The following AGPAT3 variants were observed in gnomAD, a reference collection of about 807,000 sequenced individuals.
AGPAT3 encodes the protein 1-acylglycerol-3-phosphate O-acyltransferase 3.
In AGPAT3, 5 loss-of-function variants were observed where a neutral mutation model predicts 47.3. That is an observed-to-expected ratio of 0.11 (90% confidence interval 0.06 to 0.22). The LOEUF is 0.22. AGPAT3 is among the 10% of genes least tolerant of loss of function. AGPAT3 has a pLI of 1.00. For synonymous variants in AGPAT3, 212 were observed against 208.3 expected (o/e 1.02, Z -0.15); for missense variants, 315 against 493.0 (o/e 0.64, Z 3.42).
chr21:43,877,042 A>G (rs1400636966), intron 1 of AGPAT3, among the ~76,000 whole-genome samples: 1 of 152,072 alleles, frequency 6.6e-6, no homozygotes, highest in Non-Finnish European at 1.5e-5. Flanking sequence ...GTATTTTAGC[A>G]GAGATGGGAT....
intron 6 of AGPAT3, 70 bp from the exon 7 acceptor site, chr21:43,971,318 G>T: frequency 7.1e-7 from 1 of 1,415,098 alleles, no homozygotes. Flanking sequence ...GGTGGAACTT[G>T]CTTTTCCCTC....
chr21:43,951,971 G>A (rs1348762703), intron 2 of AGPAT3, among the ~76,000 whole-genome samples: 2 of 152,162 alleles, frequency 1.3e-5, no homozygotes, highest in East Asian at 1.9e-4. Flanking sequence ...CTGCCTGGCC[G>A]GTTTTGGAGG....
intron 1 of AGPAT3, among the ~76,000 whole-genome samples, chr21:43,898,324 C>T (rs2086275420): frequency 1.3e-5 from 2 of 152,186 alleles, no homozygotes; most frequent in Admixed American, 6.5e-5. Context: ...CTTTTTGAGT[C>T]AACTATTGAT....
intron 1 of AGPAT3, among the ~76,000 whole-genome samples, chr21:43,882,766 G>T (rs1404935605): frequency 6.6e-6 from 1 of 152,222 alleles, no homozygotes; most frequent in Non-Finnish European, 1.5e-5. Flanking sequence ...CCTTGCTTGG[G>T]TCTCCTCCAG....
chr21:43,951,102 C>T (rs1365533990), intron 2 of AGPAT3, among the ~76,000 whole-genome samples: 1 of 152,214 alleles, frequency 6.6e-6, no homozygotes, highest in Non-Finnish European at 1.5e-5. Context: ...GCCCGGGGCT[C>T]ACCGTGGTCC....
In AGPAT3 at chr21:43,880,991, A is replaced by C. The variant is rs137910494; in HGVS notation, c.-112+15646A>C. Among the ~76,000 whole-genome samples, 2 of 152,306 alleles carry C rather than the reference A, an allele frequency of 1.3e-5. No individual in the cohort carries two copies. The highest frequency in any genetic ancestry group is 2.9e-5 in the Non-Finnish European group (2 of 68,028). On this transcript the variant is annotated intron_variant, in intron 1 of 9. Coordinates refer to ENST00000291572, the MANE Select transcript of AGPAT3 (RefSeq NM_020132.5). This position sits in a 1 kb window ranked among gnomAD's most constrained non-coding sequence, Gnocchi z 4.5. The stretch of plus-strand genomic sequence containing the variant: ...GGGGAAGAGAGAGAAAATGAGAGAG[A>C]ATGAATGAGAACAAATGTAAGAACT...
chr21:43,898,540 T>TC (rs1040150271), intron 1 of AGPAT3, among the ~76,000 whole-genome samples: 2 of 152,208 alleles, frequency 1.3e-5, no homozygotes, highest in African/African-American at 4.8e-5. Context: ...TCTTTTTTTT[T>TC]CCCCAAGACG....
chr21:43,900,640 T>A (rs2086327495), intron 1 of AGPAT3, among the ~76,000 whole-genome samples: 1 of 152,108 alleles, frequency 6.6e-6, no homozygotes, highest in South Asian at 2.1e-4. Flanking sequence ...CTCTGAGAGC[T>A]GACCACAGGT....
rs1157531749 is a variant in AGPAT3, at chr21:43,930,812, A to C, written c.-49+26793A>C. ...CACGGTGGCCGGGGTGGCCCACGGCAGGCCAGTGTGCGGTCCTCAAGCTGC... is the reference window on the plus strand; with the variant it reads ...CACGGTGGCCGGGGTGGCCCACGGCCGGCCAGTGTGCGGTCCTCAAGCTGC... On this transcript the variant is annotated intron_variant, in intron 2 of 9. Transcript: ENST00000291572. The surrounding 1 kb of genome is among the most constrained non-coding windows in gnomAD (Gnocchi z 5.0). Among the ~76,000 whole-genome samples the C allele has an allele frequency of 6.6e-6, 1 of 152,124 alleles. No individual in the cohort carries two copies. Among genetic ancestry groups the C allele is most frequent in the Admixed American group, 6.5e-5 (1 of 15,284 alleles).
rs1034805466 is a variant in AGPAT3, at chr21:43,986,697, C to G, written c.*4305C>G. The stretch of plus-strand genomic sequence containing the variant: ...AGGAAAATCTCTCTCTCTGGAGAAC[C>G]CACACAAACCATTGACCTGAGTGCG... On this transcript the variant is annotated 3_prime_UTR_variant, in exon 10 of 10. Coordinates refer to ENST00000291572, the MANE Select transcript of AGPAT3 (RefSeq NM_020132.5). Among the ~76,000 whole-genome samples, 3 of 152,162 alleles carry G rather than the reference C, an allele frequency of 2.0e-5. No individual in the cohort carries two copies. The highest frequency in any genetic ancestry group is 4.4e-5 in the Non-Finnish European group (3 of 68,030).
rs930881085 is a variant in AGPAT3, at chr21:43,939,670, A to G, written c.-48-19964A>G. Among the ~76,000 whole-genome samples, 3 of 152,150 alleles carry G rather than the reference A, an allele frequency of 2.0e-5. No individual in the cohort carries two copies. The highest frequency in any genetic ancestry group is 4.4e-5 in the Non-Finnish European group (3 of 68,020). On this transcript the variant is annotated intron_variant, in intron 2 of 9. Coordinates refer to ENST00000291572, the MANE Select transcript of AGPAT3 (RefSeq NM_020132.5). The surrounding 1 kb of genome is among the most constrained non-coding windows in gnomAD (Gnocchi z 4.4). ...TGCCCCACATGCAGGACGTTTGCCT[A>G]TCACTTGGAGGCCTTTCAGGGATCT...
At chr21:43,942,876 G>A (rs986961650) in intron 2 of AGPAT3, among the ~76,000 whole-genome samples, 5 of 152,144 alleles carry the variant, frequency 3.3e-5, no homozygotes, top group Non-Finnish European at 5.9e-5. Flanking sequence ...CCTCTGTTCT[G>A]TCTCCCGTCA....
chr21:43,912,372 C>T (rs1195299393), intron 2 of AGPAT3, among the ~76,000 whole-genome samples: 2 of 152,376 alleles, frequency 1.3e-5, no homozygotes, highest in Admixed American at 6.5e-5. Flanking sequence ...CTGAGGAAGG[C>T]GCTGGCCATG....
chr21:43,959,490 C>T (rs1277508064), intron 2 of AGPAT3, 144 bp from the exon 3 acceptor site: 14 of 683,636 alleles, frequency 2.0e-5, no homozygotes, highest in African/African-American at 3.6e-5. Context: ...GTGTGTGGCA[C>T]GTGTGTGGGG....
intron 2 of AGPAT3, chr21:43,948,421 C>A (rs35150059): frequency 0.41 from 61,813 of 151,508 alleles, 13,019 homozygotes; most frequent in East Asian, 0.6. Context: ...ACCCAGGGCA[C>A]ATGCCCATCC....
At chr21:43,866,028 T>A (rs1339981947) in intron 1 of AGPAT3, among the ~76,000 whole-genome samples, 1 of 151,546 alleles carries the variant, frequency 6.6e-6, no homozygotes, top group African/African-American at 2.4e-5. Context: ...GAAAACCCAC[T>A]CCTGGCCACC....
At chr21:43,870,509 C>T (rs1054036389) in intron 1 of AGPAT3, among the ~76,000 whole-genome samples, 10 of 151,180 alleles carry the variant, frequency 6.6e-5, no homozygotes, top group South Asian at 4.2e-4. Context: ...GTCAGGAGTT[C>T]GAGACCAGAC....
chr21:43,891,202 C>T (rs1441336540), intron 1 of AGPAT3, among the ~76,000 whole-genome samples: 1 of 152,148 alleles, frequency 6.6e-6, no homozygotes, highest in African/African-American at 2.4e-5. Flanking sequence ...GGAGTCACTC[C>T]TCTCAAACCC....
intron 1 of AGPAT3, among the ~76,000 whole-genome samples, chr21:43,879,840 G>A (rs2085817378): frequency 6.6e-6 from 1 of 152,164 alleles, no homozygotes. Context: ...ATCTAGAAGC[G>A]ACAGCCTGAG....
Sources: gnomAD v4.1 joint callset for allele counts (sites outside exome capture counted in the v4.1 genomes callset) on GRCh38, gnomAD v4.1.1 for gene constraint, Gnocchi (gnomAD v3.1) non-coding constraint, MANE v1.5 for transcripts, NCBI Gene and HGNC (gene_info 2026-07-23, HGNC 2026-07-21) for gene names.